Variants in CFAP92 observed in about 807,000 individuals in gnomAD.
CFAP92 encodes the protein cilia and flagella associated protein 92 (putative).
Under a neutral mutation model 106.3 loss-of-function variants are expected in CFAP92, and 86 were observed. That is an observed-to-expected ratio of 0.81 (90% CI 0.68 to 0.97). The LOEUF (loss-of-function observed/expected upper bound fraction) is 0.97, where lower values mean the gene tolerates loss of function less well. CFAP92 is among the 50% of genes least tolerant of loss of function. The probability of loss-of-function intolerance (pLI) is 0.00; values close to 1 mark genes in which losing one functional copy is unlikely to be tolerated. For synonymous variants in CFAP92, 477 were observed against 506.4 expected, an observed-to-expected ratio of 0.94 and a Z score of 0.78; for missense variants, 1,204 against 1,283.8, an observed-to-expected ratio of 0.94 and a Z score of 0.95.
intron 12 of CFAP92, among the ~76,000 whole-genome samples, chr3:128,917,381 T>C (rs1233944428): frequency 6.6e-6 from 1 of 152,232 alleles, no homozygotes; most frequent in Non-Finnish European, 1.5e-5. Flanking sequence ...ATGCTACTCC[T>C]TTCTTACAAT....
chr3:128,948,093 G>GTCTTGT (rs1940411753), intron 9 of CFAP92, among the ~76,000 whole-genome samples: 1 of 152,050 alleles, frequency 6.6e-6, no homozygotes, highest in African/African-American at 2.4e-5. Flanking sequence ...AAATAAAAGA[G>GTCTTGT]AATGACAAGA....
intron 12 of CFAP92, among the ~76,000 whole-genome samples, chr3:128,927,709 G>T (rs1281852937): frequency 1.4e-5 from 2 of 143,992 alleles, no homozygotes; most frequent in Non-Finnish European, 3.0e-5. Flanking sequence ...GGGCGACTGA[G>T]CAAGACTCTG....
At chr3:128,946,803 A>G (rs908928681) in intron 9 of CFAP92, among the ~76,000 whole-genome samples, 1 of 152,214 alleles carries the variant, frequency 6.6e-6, no homozygotes. Context: ...CAGAACACGT[A>G]AAGACAAAGG....
chr3:128,994,183 C>A, upstream of CFAP92: 2 of 983,334 alleles, frequency 2.0e-6, no homozygotes, highest in Non-Finnish European at 2.4e-6. Flanking sequence ...CGGGGCTCCG[C>A]GGGGCGGGGC....
intron 11 of CFAP92, among the ~76,000 whole-genome samples, chr3:128,934,327 C>A (rs1052447564): frequency 1.3e-5 from 2 of 152,184 alleles, no homozygotes; most frequent in African/African-American, 4.8e-5. Flanking sequence ...TCAAGTGATT[C>A]TCCTGCCTCA....
chr3:128,918,423 A>G (rs188909269), intron 12 of CFAP92, among the ~76,000 whole-genome samples: 1 of 152,324 alleles, frequency 6.6e-6, no homozygotes, highest in African/African-American at 2.4e-5. Flanking sequence ...CATTGAGCCG[A>G]GATCATGCCA....
chr3:128,938,049 G>A (rs184119899), intron 10 of CFAP92, among the ~76,000 whole-genome samples: 19 of 145,636 alleles, frequency 1.3e-4, no homozygotes, highest in Admixed American at 1.0e-3. Flanking sequence ...GGGCAACAGC[G>A]TGAGACTCTG....
intron 4 of CFAP92, among the ~76,000 whole-genome samples, chr3:128,986,266 G>A (rs1943852142): frequency 6.7e-6 from 1 of 148,318 alleles, no homozygotes; most frequent in Non-Finnish European, 1.5e-5. Context: ...TTGAGATAAG[G>A]TCTTGCTCCA....
At chr3:128,957,144 C>T (rs1294528410) in intron 9 of CFAP92, among the ~76,000 whole-genome samples, 1 of 152,032 alleles carries the variant, frequency 6.6e-6, no homozygotes, top group Non-Finnish European at 1.5e-5. Flanking sequence ...AAAGGAAGTT[C>T]TTGAAACAGA....
At chr3:129,014,072 T>G in the CFAP92 span, among the ~76,000 whole-genome samples, 1 of 152,202 alleles carries the variant, frequency 6.6e-6, no homozygotes, top group Admixed American at 6.5e-5. This position sits in a 1 kb window ranked among gnomAD's most constrained non-coding sequence, Gnocchi z 4.3. Flanking sequence ...GGCTCTTCAT[T>G]TTGCCTCTTC....
intron 4 of CFAP92, among the ~76,000 whole-genome samples, chr3:128,986,668 G>A (rs1407589676): frequency 2.6e-5 from 4 of 152,102 alleles, no homozygotes; most frequent in Admixed American, 1.3e-4. Context: ...AGACCACGCC[G>A]GTCAACCTGC....
At chr3:128,958,730 GTCTCTA>G (rs955735328) in intron 9 of CFAP92, among the ~76,000 whole-genome samples, 2 of 152,000 alleles carry the variant, frequency 1.3e-5, no homozygotes, top group Non-Finnish European at 2.9e-5. Context: ...GCAAAACCCT[GTCTCTA>G]CAAAAAATAC....
chr3:128,923,079 A>C (rs202201219), intron 12 of CFAP92, among the ~76,000 whole-genome samples: 1 of 152,266 alleles, frequency 6.6e-6, no homozygotes, highest in Non-Finnish European at 1.5e-5. Context: ...CCTCCCAGCT[A>C]CAGCCACAAA....
At chr3:128,917,019 GAA>G (rs1260106069) in intron 12 of CFAP92, among the ~76,000 whole-genome samples, 2 of 152,132 alleles carry the variant, frequency 1.3e-5, no homozygotes, top group African/African-American at 4.8e-5. Flanking sequence ...AATCTTTGAG[GAA>G]TTAATGCACA....
intron 4 of CFAP92, among the ~76,000 whole-genome samples, chr3:128,980,545 G>A (rs1014158643): frequency 1.3e-5 from 2 of 151,978 alleles, no homozygotes; most frequent in South Asian, 2.1e-4. Context: ...TTTCATGAAC[G>A]GTTTCTCTGT....
chr3:128,928,050 A>G (rs948755917), intron 12 of CFAP92, among the ~76,000 whole-genome samples: 3 of 152,012 alleles, frequency 2.0e-5, no homozygotes, highest in African/African-American at 7.3e-5. Flanking sequence ...CAAGAGATTG[A>G]CCCCATCCTG....
intron 3 of CFAP92, 49 bp downstream of exon 3, chr3:128,988,679 G>A (rs748591140): frequency 1.1e-5 from 18 of 1,571,680 alleles, no homozygotes; most frequent in East Asian, 4.5e-5. Flanking sequence ...CACACTTTTC[G>A]TGATGAGCAT....
chr3:128,917,642 A>AAGAT (rs1440750141), intron 12 of CFAP92, among the ~76,000 whole-genome samples: 4 of 152,232 alleles, frequency 2.6e-5, no homozygotes, highest in Non-Finnish European at 4.4e-5. Flanking sequence ...AATAAGAGTG[A>AAGAT]AGATAGCAAT....
chr3:128,980,314 C>A (rs1943446921), intron 4 of CFAP92, among the ~76,000 whole-genome samples: 1 of 148,772 alleles, frequency 6.7e-6, no homozygotes, highest in South Asian at 2.1e-4. Context: ...CTACAGTGAG[C>A]CATGATCACA....
Sources: gnomAD v4.1 joint callset for allele counts (sites outside exome capture counted in the v4.1 genomes callset) on GRCh38, gnomAD v4.1.1 for gene constraint, Gnocchi (gnomAD v3.1) non-coding constraint, MANE v1.5 for transcripts, NCBI Gene and HGNC (gene_info 2026-07-23, HGNC 2026-07-21) for gene names.